JMJD1C: variants seen among roughly 807,000 people sequenced by gnomAD.
The protein encoded by JMJD1C is jumonji domain containing 1C, also known as jumonji domain-containing protein 1C.
In JMJD1C, 31 loss-of-function variants were observed where a neutral mutation model predicts 245.3. That is an observed-to-expected ratio of 0.13 (90% CI 0.09 to 0.17). JMJD1C has a LOEUF of 0.17. Ranked by LOEUF, JMJD1C falls within the 10% of genes least tolerant of loss-of-function variation. JMJD1C has a pLI of 1.00. For synonymous variants in JMJD1C, 1,057 were observed against 1,017.4 expected, an observed-to-expected ratio of 1.04 and a Z score of -0.74; for missense variants, 2,691 against 3,000.2, an observed-to-expected ratio of 0.90 and a Z score of 2.41.
Position 63,207,095 on chromosome 10 carries a change from C to T in JMJD1C, c.4574G>A (p.Ser1525Asn). ...TACAGAGTTTGCTTTGTTAATTGTACTACAGATTACAGTGCTATCCAGAGG... is the reference window on the plus strand; with the variant it reads ...TACAGAGTTTGCTTTGTTAATTGTATTACAGATTACAGTGCTATCCAGAGG... Reference protein sequence around the residue: ...SLPLDSTVICSTINKANSVGN... With the variant: ...SLPLDSTVICNTINKANSVGN... The change falls in exon 10 of 26, where the codon AGT becomes AAT. Residue 1525 changes from serine to asparagine, a missense_variant. Ser to Asn is a conservative substitution (Grantham distance 46). Transcript: ENST00000399262. The T allele has an allele frequency of 6.2e-7, 1 of 1,614,196 alleles. No homozygotes were observed. Among genetic ancestry groups the T allele is most frequent in the Non-Finnish European group, 8.5e-7 (1 of 1,180,018 alleles).
intron 1 of JMJD1C, chr10:63,465,227 G>A (rs1953125670): frequency 2.5e-6 from 1 of 397,222 alleles, no homozygotes; most frequent in Non-Finnish European, 4.5e-6. Context: ...GCGGGGAGCC[G>A]CGGTCGACCC....
intron 2 of JMJD1C, among the ~76,000 whole-genome samples, chr10:63,368,106 T>C (rs1313787154): frequency 1.3e-5 from 2 of 152,198 alleles, no homozygotes; most frequent in Non-Finnish European, 2.9e-5. Context: ...ACAACAGTCC[T>C]GTGTGGAGCA....
intron 2 of JMJD1C, among the ~76,000 whole-genome samples, chr10:63,296,612 C>A (rs576299173): frequency 3.9e-5 from 6 of 152,186 alleles, no homozygotes; most frequent in Admixed American, 3.3e-4. Flanking sequence ...TGTTCAATCT[C>A]AGTTGGAAAT....
At chr10:63,230,775 C>G (rs1329681877) in intron 3 of JMJD1C, among the ~76,000 whole-genome samples, 1 of 150,834 alleles carries the variant, frequency 6.6e-6, no homozygotes, top group Non-Finnish European at 1.5e-5. Context: ...ACTGTCCCCC[C>G]CCCCAAAAAA....
At chr10:63,186,771 T>A (rs1239589245) in intron 18 of JMJD1C, among the ~76,000 whole-genome samples, 5 of 152,186 alleles carry the variant, frequency 3.3e-5, no homozygotes, top group Non-Finnish European at 5.9e-5. Flanking sequence ...CAATAAATGA[T>A]ATAAAAACAT....
At chr10:63,196,216 C>T (rs771450895) in intron 13 of JMJD1C, among the ~76,000 whole-genome samples, 1 of 151,468 alleles carries the variant, frequency 6.6e-6, no homozygotes, top group Non-Finnish European at 1.5e-5. Context: ...GCACTCCAGC[C>T]TGGGCAACAA....
At chr10:63,315,234 T>C (rs1939816152) in intron 2 of JMJD1C, among the ~76,000 whole-genome samples, 1 of 152,304 alleles carries the variant, frequency 6.6e-6, no homozygotes, top group South Asian at 2.1e-4. Flanking sequence ...GTACTGAGCA[T>C]AGTACCCAAC....
chr10:63,428,271 C>G (rs561226955), intron 1 of JMJD1C, among the ~76,000 whole-genome samples: 4 of 152,140 alleles, frequency 2.6e-5, no homozygotes, highest in Non-Finnish European at 5.9e-5. Context: ...AGTTTGCATA[C>G]TAAGAATATT....
chr10:63,401,493 C>G (rs756995515), intron 1 of JMJD1C, among the ~76,000 whole-genome samples: 1 of 152,116 alleles, frequency 6.6e-6, no homozygotes, highest in African/African-American at 2.4e-5. Flanking sequence ...GCAATCCCCC[C>G]ACCTAGGCCT....
chr10:63,340,593 T>C (rs1589526296), intron 2 of JMJD1C, among the ~76,000 whole-genome samples: 1 of 152,226 alleles, frequency 6.6e-6, no homozygotes, highest in South Asian at 2.1e-4. Flanking sequence ...AACTGTAACA[T>C]GTCTTACAAA....
Position 63,430,877 on chromosome 10 carries a change from G to A in JMJD1C, c.168+34618C>T, listed in dbSNP as rs144554937. Among the ~76,000 whole-genome samples, 415 of 152,238 alleles carry A rather than the reference G, an allele frequency of 2.7e-3. 6 individuals carry two copies. Among genetic ancestry groups the A allele is most frequent in the African/African-American group, 9.8e-3 (405 of 41,532 alleles). On this transcript the variant is annotated intron_variant, in intron 1 of 25. Coordinates refer to ENST00000399262, the MANE Select transcript of JMJD1C (RefSeq NM_032776.3). ...TCGCACCTCAGCTTCCCGAGTAGCT[G>A]GGACTACAAGGTGTTTAACACCATA...
intron 2 of JMJD1C, among the ~76,000 whole-genome samples, chr10:63,280,492 G>A (rs1248140575): frequency 6.6e-6 from 1 of 152,156 alleles, no homozygotes; most frequent in Non-Finnish European, 1.5e-5. Flanking sequence ...GGAGGTTGCA[G>A]TGGGGCGAGA....
intron 2 of JMJD1C, among the ~76,000 whole-genome samples, chr10:63,274,404 G>C (rs1396630805): frequency 6.6e-6 from 1 of 151,556 alleles, no homozygotes; most frequent in Non-Finnish European, 1.5e-5. Context: ...TCTCTACAAA[G>C]AATAAATAAA....
chr10:63,245,217 A>T (rs1275047647), intron 3 of JMJD1C, among the ~76,000 whole-genome samples: 1 of 151,784 alleles, frequency 6.6e-6, no homozygotes, highest in East Asian at 1.9e-4. Context: ...ACAATTTTTT[A>T]AAACCAAATA....
At chr10:63,344,650 G>C (rs1416196665) in intron 2 of JMJD1C, among the ~76,000 whole-genome samples, 4 of 151,794 alleles carry the variant, frequency 2.6e-5, no homozygotes, top group Non-Finnish European at 4.4e-5. Context: ...ATCTGAAAGA[G>C]GACATACATT....
chr10:63,248,094 G>A (rs1373345266), intron 3 of JMJD1C, among the ~76,000 whole-genome samples: 1 of 151,958 alleles, frequency 6.6e-6, no homozygotes, highest in African/African-American at 2.4e-5. Context: ...TGGGTGTGGT[G>A]GCGGGCGCCT....
chr10:63,460,084 G>A (rs925429450), intron 1 of JMJD1C, among the ~76,000 whole-genome samples: 4 of 152,202 alleles, frequency 2.6e-5, no homozygotes, highest in African/African-American at 9.6e-5. Context: ...AATCAATGGA[G>A]TTCTATTCTG....
At chr10:63,354,851 C>T (rs1944684710) in intron 2 of JMJD1C, among the ~76,000 whole-genome samples, 2 of 112,996 alleles carry the variant, frequency 1.8e-5, no homozygotes, top group Non-Finnish European at 3.4e-5. Flanking sequence ...CCCATATCTA[C>T]TTTAACAAAA....
chr10:63,174,627 A>G (rs1842709264), intron 24 of JMJD1C, among the ~76,000 whole-genome samples: 2 of 152,164 alleles, frequency 1.3e-5, no homozygotes, highest in African/African-American at 2.4e-5. Flanking sequence ...TGAAGTCAGG[A>G]GTTCGAGACC....
Sources: allele counts gnomAD v4.1 joint callset (sites outside exome capture counted in the v4.1 genomes callset), GRCh38; gene constraint gnomAD v4.1.1; transcripts MANE v1.5; gene names NCBI Gene and HGNC (gene_info 2026-07-23, HGNC 2026-07-21).